The following RDM1 variants were observed in gnomAD, a reference collection of about 807,000 sequenced individuals.
RDM1 encodes the protein RAD52 motif-containing protein 1.
Under a neutral mutation model 27.7 loss-of-function variants are expected in RDM1, and 28 were observed. The observed-to-expected ratio is 1.01, with a 90% CI of 0.75 to 1.39. RDM1 has a LOEUF of 1.39. Ranked by LOEUF, RDM1 falls within the 40% of genes most tolerant of loss-of-function variation. The pLI is 0.00. For synonymous variants in RDM1, 124 were observed against 127.5 expected (o/e 0.97, Z 0.19); for missense variants, 277 against 337.3 (o/e 0.82, Z 1.40).
chr17:35,918,136 C>T lies in RDM1; in HGVS notation c.*206G>A, dbSNP rs1220652084. 2.7e-5 allele frequency: 16 copies of T among 592,960 alleles called. No individual in the cohort carries two copies. The highest frequency in any genetic ancestry group is 4.2e-5 in the Non-Finnish European group (14 of 331,862). 36.7% of individuals were successfully genotyped at this position (592,960 alleles called of 1,614,324 possible). A position where few individuals can be genotyped will look rare whatever the true frequency, so the allele number is the denominator to read the frequency against. On this transcript the variant is annotated 3_prime_UTR_variant, in exon 7 of 7. Coordinates refer to ENST00000620284, the MANE Select transcript of RDM1 (RefSeq NM_145654.4). ...CGAGATCCGCTCCTCGTCACCAGGGCGATCTTATCCCACAATCCTACCCAA... is the reference window on the plus strand; with the variant it reads ...CGAGATCCGCTCCTCGTCACCAGGGTGATCTTATCCCACAATCCTACCCAA...
At chr17:35,924,979 C>CAA (rs2089087062) in intron 3 of RDM1, among the ~76,000 whole-genome samples, 1 of 151,574 alleles carries the variant, frequency 6.6e-6, no homozygotes, top group African/African-American at 2.4e-5. Flanking sequence ...ACTAAAAATA[C>CAA]AAAAATTAGC....
intron 4 of RDM1, among the ~76,000 whole-genome samples, chr17:35,923,017 C>T (rs116998638): frequency 3.2e-4 from 48 of 152,246 alleles, no homozygotes; most frequent in Non-Finnish European, 6.0e-4. Context: ...AATCACTCAT[C>T]GAAAAAGGTT....
At chr17:35,930,344 C>A in intron 1 of RDM1, 89 bp from the exon 2 acceptor site, 1 of 1,532,050 alleles carries the variant, frequency 6.5e-7, no homozygotes, top group Non-Finnish European at 9.0e-7. Context: ...CCTCTCTTCG[C>A]GAAGGATGCG....
intron 4 of RDM1, 62 bp from the exon 5 acceptor site, chr17:35,922,737 T>G: frequency 7.5e-7 from 1 of 1,327,660 alleles, no homozygotes; most frequent in African/African-American, 1.5e-5. Context: ...GCTATATGTT[T>G]AAAAAATAAA....
At chr17:35,925,403 G>A in intron 3 of RDM1, 112 bp downstream of exon 3, 2 of 1,141,438 alleles carry the variant, frequency 1.8e-6, no homozygotes, top group Admixed American at 2.2e-5. Flanking sequence ...CTCAATGGTA[G>A]AGGCCTCTCA....
chr17:35,926,192 G>C (rs1022260386), intron 2 of RDM1, among the ~76,000 whole-genome samples: 1 of 148,570 alleles, frequency 6.7e-6, no homozygotes, highest in Non-Finnish European at 1.5e-5. Context: ...TGAAAGGAGA[G>C]GTATATCTGC....
At chr17:35,930,345 G>T in intron 1 of RDM1, 90 bp from the exon 2 acceptor site, 2 of 1,530,674 alleles carry the variant, frequency 1.3e-6, no homozygotes, top group Non-Finnish European at 1.8e-6. Context: ...CTCTCTTCGC[G>T]AAGGATGCGA....
chr17:35,921,613 T>A (rs946124341), intron 5 of RDM1, among the ~76,000 whole-genome samples: 4 of 152,244 alleles, frequency 2.6e-5, no homozygotes, highest in African/African-American at 9.6e-5. Flanking sequence ...GCCCAATGTG[T>A]CAGTGCCAGA....
chr17:35,925,414 C>T (rs1434221923), intron 3 of RDM1, 101 bp downstream of exon 3: 3 of 1,344,208 alleles, frequency 2.2e-6, no homozygotes, highest in African/African-American at 2.9e-5. Context: ...AGGCCTCTCA[C>T]ATCTCCTCCC....
chr17:35,928,691 G>A (rs1209993686), intron 2 of RDM1, among the ~76,000 whole-genome samples: 1 of 151,886 alleles, frequency 6.6e-6, no homozygotes, highest in African/African-American at 2.4e-5. Context: ...GAACCCGGGA[G>A]GCGGAGGTTG....
At position 35,920,241 on chromosome 17, in the gene RDM1, G is replaced by A; in HGVS notation, c.699C>T (p.Pro233=). 1 of 1,597,614 alleles carries A rather than the reference G, an allele frequency of 6.3e-7. No homozygotes were observed. Among genetic ancestry groups the A allele is most frequent in the Non-Finnish European group, 8.6e-7 (1 of 1,168,282 alleles). The part of the protein sequence containing the change: ...ESGKIAVEYR[P]SEDIVGVRCE... ...ATCTGACACCTACGATGTCTTCACT[G>A]GGTCTGTACTCCACAGCTATTTTAC... Residue 233 remains proline (P), a synonymous_variant, in exon 6 of 7, where the codon CCC becomes CCT. Transcript: ENST00000620284.
At chr17:35,930,308 C>T in intron 1 of RDM1, 53 bp from the exon 2 acceptor site, 1 of 1,610,094 alleles carries the variant, frequency 6.2e-7, no homozygotes, top group Admixed American at 1.7e-5. Flanking sequence ...GAAAACAAAA[C>T]CGCACATGCC....
At chr17:35,930,570 A>C (rs2089292245) in intron 1 of RDM1, 62 bp downstream of exon 1, 1 of 1,496,070 alleles carries the variant, frequency 6.7e-7, no homozygotes, top group African/African-American at 1.4e-5. Context: ...AGGACTCCGG[A>C]ACTCCCAGTC....
rs765215434 is a variant in RDM1, at chr17:35,930,072, C to T, written c.276+4G>A. ...GGAGCTAGGAATTCCATATTTGGAC[C>T]CACCTTGACTGGAGATTTCTGAAAA... On this transcript the variant is annotated splice_donor_region_variant and intron_variant, in intron 2 of 6. Transcript: ENST00000620284. 6.2e-7 allele frequency: 1 copy of T among 1,609,734 alleles called. No homozygotes were observed. The highest frequency in any genetic ancestry group is 8.5e-7 in the Non-Finnish European group (1 of 1,177,962).
chr17:35,925,816 C>T (rs1169130891), intron 2 of RDM1, among the ~76,000 whole-genome samples, 179 bp from the exon 3 acceptor site: 1 of 152,092 alleles, frequency 6.6e-6, no homozygotes, highest in Admixed American at 6.6e-5. Context: ...CACCCATCCC[C>T]CTCCCCAAGT....
In RDM1 at chr17:35,918,313, A is replaced by T; in HGVS notation, c.*29T>A. 6.3e-7 allele frequency: 1 copy of T among 1,596,032 alleles called. No homozygotes were observed. The highest frequency in any genetic ancestry group is 1.1e-5 in the South Asian group (1 of 90,584). On this transcript the variant is annotated 3_prime_UTR_variant, in exon 7 of 7. Transcript: ENST00000620284. ...CGACAGAGCTTCCCAAGGAAGTTAC[A>T]TGACCTCGCCTTGGGATATTCAGAA...
At chr17:35,918,723 C>A (rs56181735) in intron 6 of RDM1, among the ~76,000 whole-genome samples, 9,237 of 152,176 alleles carry the variant, frequency 0.061, 463 homozygotes, top group African/African-American at 0.14. Context: ...CGCCACTCTT[C>A]AGAGGTCTAC....
At position 35,928,633 on chromosome 17, in the gene RDM1, A is replaced by C. The variant is rs1036105122; in HGVS notation, c.276+1443T>G. On this transcript the variant is annotated intron_variant, in intron 2 of 6. Coordinates refer to ENST00000620284, the MANE Select transcript of RDM1 (RefSeq NM_145654.4). ...CAAAATCAGCCAGGCGTGGTGGTGC[A>C]TGCCTGTAATCCCTGCTACTTGGGA... Among the ~76,000 whole-genome samples, 5 of 152,000 alleles carry C rather than the reference A, an allele frequency of 3.3e-5. 1 individual carries two copies.
At chr17:35,918,565 T>C in intron 6 of RDM1, 122 bp from the exon 7 acceptor site, 1 of 794,426 alleles carries the variant, frequency 1.3e-6, no homozygotes, top group Non-Finnish European at 2.1e-6. Flanking sequence ...AATTCACCAC[T>C]CTATTAGGTA....
Sources: gnomAD v4.1 joint callset for allele counts (sites outside exome capture counted in the v4.1 genomes callset) on GRCh38, gnomAD v4.1.1 for gene constraint, MANE v1.5 for transcripts, NCBI Gene and HGNC (gene_info 2026-07-23, HGNC 2026-07-21) for gene names.